Variants in MAP7D1 observed in about 807,000 individuals in gnomAD.
MAP7D1 encodes the protein MAP7 domain-containing protein 1.
A neutral mutation model predicts 97.5 loss-of-function variants in MAP7D1; 30 were observed. The observed-to-expected ratio is 0.31, with a 90% CI of 0.23 to 0.42. The LOEUF (loss-of-function observed/expected upper bound fraction) is 0.42. Ranked by LOEUF, MAP7D1 falls within the 10% of genes least tolerant of loss-of-function variation. The probability of loss-of-function intolerance (pLI) is 1.00; values close to 1 mark genes in which losing one functional copy is unlikely to be tolerated. For synonymous variants in MAP7D1, 536 were observed against 477.1 expected (o/e 1.12, Z -1.61); for missense variants, 1,184 against 1,179.5 (o/e 1.00, Z -0.06).
At chr1:36,173,232 G>A in intron 4 of MAP7D1, 132 bp from the exon 5 acceptor site, 1 of 680,116 alleles carries the variant, frequency 1.5e-6, no homozygotes, top group Non-Finnish European at 2.6e-6. Context: ...TTGGTTACCT[G>A]CAATGAGTCA....
rs766898900 is a variant in MAP7D1 at position 36,176,179 on chromosome 1, G to A, written c.851-20G>A. On this transcript the variant is annotated intron_variant, in intron 6 of 16. Transcript: ENST00000474796. This position sits in a 1 kb window ranked among gnomAD's most constrained non-coding sequence, Gnocchi z 6.1. ...TACGGCCCCCACGGTGACCGGCTTCGCCTGGCCTTCTACCCCCAGATCGCA... is the reference window on the plus strand; with the variant it reads ...TACGGCCCCCACGGTGACCGGCTTCACCTGGCCTTCTACCCCCAGATCGCA... The A allele has an allele frequency of 3.1e-6, 5 of 1,602,456 alleles. No individual in the cohort carries two copies. The South Asian group carries it at 4.4e-5, about 14-fold the overall frequency.
rs115325016 is a variant in MAP7D1 at position 36,160,508 on chromosome 1, G to A, written c.46+4045G>A. 7.1e-3 allele frequency among the ~76,000 whole-genome samples: 1,077 copies of A among 152,352 alleles called. 11 individuals are homozygous for A. The highest frequency in any genetic ancestry group is 0.025 in the African/African-American group (1,031 of 41,582). ...CAATGCTCAGCATGTCACGGGCATTGTCTCATTTGTTCCTCACCACAGTCT... is the reference window on the plus strand; with the variant it reads ...CAATGCTCAGCATGTCACGGGCATTATCTCATTTGTTCCTCACCACAGTCT... On this transcript the variant is annotated intron_variant, in intron 1 of 16. Transcript: ENST00000474796.
At chr1:36,174,846 C>G in intron 5 of MAP7D1, 52 bp from the exon 6 acceptor site, 3 of 1,111,678 alleles carry the variant, frequency 2.7e-6, no homozygotes, top group Non-Finnish European at 4.1e-6. Context: ...TCGGTGCCCC[C>G]CACTGGCTCC....
rs780680990 is a variant in MAP7D1 at position 36,172,580 on chromosome 1, C to G, written c.577C>G (p.Arg193Gly). 6 of 1,586,232 alleles carry G rather than the reference C, an allele frequency of 3.8e-6. No homozygotes were observed. Among genetic ancestry groups the G allele is most frequent in the Non-Finnish European group, 5.2e-6 (6 of 1,157,976 alleles). ...EEQRLKAEQR[R>G]AALEERQRQK... is the part of the protein sequence containing the mutation. Reference sequence around the variant, plus strand: ...GCAACGTCTTAAAGCCGAGCAACGCCGTGCAGCCCTGGAGGAACGGCAGCG... The same window carrying G: ...GCAACGTCTTAAAGCCGAGCAACGCGGTGCAGCCCTGGAGGAACGGCAGCG... Residue 193 changes from arginine to glycine, a missense_variant, in exon 4 of 17, where the codon CGT becomes GGT. Physicochemically the swap from Arg to Gly is moderately radical, Grantham distance 125. Transcript: ENST00000474796.
chr1:36,177,107 C>T (rs1644638169), intron 8 of MAP7D1, among the ~76,000 whole-genome samples: 1 of 152,012 alleles, frequency 6.6e-6, no homozygotes. Flanking sequence ...CGCCACCACG[C>T]TCGGCTAATT....
At chr1:36,160,507 T>C (rs1337626776) in intron 1 of MAP7D1, among the ~76,000 whole-genome samples, 6 of 152,234 alleles carry the variant, frequency 3.9e-5, no homozygotes, top group African/African-American at 1.4e-4. Flanking sequence ...TCACGGGCAT[T>C]GTCTCATTTG....
intron 6 of MAP7D1, 60 bp downstream of exon 6, chr1:36,175,068 TC>T: frequency 8.8e-7 from 1 of 1,141,404 alleles, no homozygotes; most frequent in Non-Finnish European, 1.3e-6. Context: ...CCAAGCCTCC[TC>T]CAGAGCTCAG....
chr1:36,156,496 G>A, intron 1 of MAP7D1, 33 bp downstream of exon 1: 1 of 1,410,944 alleles, frequency 7.1e-7, no homozygotes, highest in Non-Finnish European at 9.2e-7. Flanking sequence ...GCGAGATGGG[G>A]GTAGATGGAG....
Position 36,179,945 on chromosome 1 carries a change from G to A in MAP7D1, c.2390G>A (p.Gly797Asp). The A allele has an allele frequency of 6.2e-7, 1 of 1,614,154 alleles. No individual in the cohort carries two copies. The highest frequency in any genetic ancestry group is 8.5e-7 in the Non-Finnish European group (1 of 1,179,990). ...LQPLPAHQEN[G>D]FSTNGPSGDK... The stretch of plus-strand genomic sequence containing the variant: ...CCTCTCCCAGCACACCAGGAGAATG[G>A]CTTCTCCACCAACGGACCCTCTGGG... Residue 797 changes from glycine (G) to aspartate (D), a missense_variant, in exon 16 of 17, where the codon GGC becomes GAC. Gly to Asp is a moderately conservative substitution (Grantham distance 94). Transcript: ENST00000474796.
Position 36,174,924 on chromosome 1 carries a change from G to A in MAP7D1, c.766G>A (p.Val256Ile). The change falls in exon 6 of 17, where the codon GTT becomes ATT. Residue 256 changes from valine to isoleucine, a missense_variant. Transcript: ENST00000474796. ...TSGSRCSVSA[V>I]NLPKHVDSII... ...TGGGAGCAGGTGCTCCGTGTCGGCA[G>A]TTAACCTGCCCAAACACGTGGACTC... The A allele has an allele frequency of 1.2e-6, 2 of 1,613,856 alleles. No individual in the cohort carries two copies. The highest frequency in any genetic ancestry group is 1.7e-6 in the Non-Finnish European group (2 of 1,179,838).
intron 12 of MAP7D1, 36 bp downstream of exon 12, chr1:36,179,061 C>T: frequency 2.2e-6 from 2 of 902,702 alleles, no homozygotes; most frequent in East Asian, 4.1e-5. Flanking sequence ...TGGGCGGGGC[C>T]TGGGCAGGGC....
Position 36,171,151 on chromosome 1 carries a change from G to A in MAP7D1, c.227G>A (p.Gly76Glu). Residue 76 changes from glycine (G) to glutamate (E), a missense_variant, in exon 2 of 17, where the codon GGG becomes GAG. Gly to Glu is a moderately conservative substitution (Grantham distance 98). Transcript: ENST00000474796. ...CCAGAGAGCCCCTCAGGGCAGGTCG[G>A]GCCTAGGCCAGCCCCCCCGCAGGAA... ...LEPESPSGQV[G>E]PRPAPPQEES... 2.5e-6 allele frequency: 4 copies of A among 1,613,928 alleles called. No individual in the cohort carries two copies. The highest frequency in any genetic ancestry group is 1.3e-5 in the African/African-American group (1 of 74,994).
intron 3 of MAP7D1, 70 bp downstream of exon 3, chr1:36,171,651 G>A (rs759774225): frequency 1.3e-6 from 2 of 1,553,454 alleles, no homozygotes; most frequent in Non-Finnish European, 1.8e-6. Context: ...ACACCAACAG[G>A]CTGGGGCGCA....
rs1438834255 is a variant in MAP7D1, at chr1:36,178,977, G to C, written c.2082G>C (p.Arg694=). ...REEAERQRLE[R]EKHFQQQEQE... ...AGGCGGAGCGGCAGCGTCTGGAGCG[G>C]GAAAAGCACTTCCAGCAGCAGGAGC... The change falls in exon 12 of 17, where the codon CGG becomes CGC. Residue 694 remains arginine, a synonymous_variant. Transcript: ENST00000474796. 10 of 1,559,060 alleles carry C rather than the reference G, an allele frequency of 6.4e-6. No individual in the cohort carries two copies.
At chr1:36,173,229 C>T (rs1010409908) in intron 4 of MAP7D1, 135 bp from the exon 5 acceptor site, 2 of 671,966 alleles carry the variant, frequency 3.0e-6, no homozygotes, top group South Asian at 3.7e-5. Context: ...ACCTTGGTTA[C>T]CTGCAATGAG....
intron 8 of MAP7D1, 44 bp from the exon 9 acceptor site, chr1:36,177,829 G>C: frequency 6.6e-7 from 1 of 1,520,992 alleles, no homozygotes; most frequent in Non-Finnish European, 8.8e-7. Flanking sequence ...TCAGCGTGTG[G>C]GTGTGTGTGT....
chr1:36,174,154 T>C (rs571940382), intron 5 of MAP7D1, among the ~76,000 whole-genome samples: 4 of 152,334 alleles, frequency 2.6e-5, no homozygotes, highest in African/African-American at 9.6e-5. Context: ...GGGATAGTGA[T>C]ACTACTTGCC....
chr1:36,177,318 C>A lies in MAP7D1; in HGVS notation c.1379+476C>A, dbSNP rs373623793. On this transcript the variant is annotated intron_variant, in intron 8 of 16. Coordinates refer to ENST00000474796, the MANE Select transcript of MAP7D1 (RefSeq NM_001388490.1). ...TTAAGTGTTTTGGTTACTGAAGTAC[C>A]CCAACACCTAAAATAGTGCCTGGCA... Among the ~76,000 whole-genome samples the A allele has an allele frequency of 8.6e-4, 130 of 151,884 alleles. 4 individuals are homozygous for A. The South Asian group carries it at 0.025, about 29-fold the overall frequency.
rs1458044626 is a variant in MAP7D1, at chr1:36,171,151, G to T, written c.227G>T (p.Gly76Val). 1 of 1,613,928 alleles carries T rather than the reference G, an allele frequency of 6.2e-7. No individual in the cohort carries two copies. The change falls in exon 2 of 17, where the codon GGG becomes GTG. Residue 76 changes from glycine to valine, a missense_variant. Transcript: ENST00000474796. Reference protein sequence around the residue: ...LEPESPSGQVGPRPAPPQEES... With the variant: ...LEPESPSGQVVPRPAPPQEES... ...CCAGAGAGCCCCTCAGGGCAGGTCG[G>T]GCCTAGGCCAGCCCCCCCGCAGGAA...
Sources: gnomAD v4.1 joint callset for allele counts (sites outside exome capture counted in the v4.1 genomes callset) on GRCh38, gnomAD v4.1.1 for gene constraint, Gnocchi (gnomAD v3.1) non-coding constraint, MANE v1.5 for transcripts, NCBI Gene and HGNC (gene_info 2026-07-23, HGNC 2026-07-21) for gene names.